PRKN: variants seen among roughly 807,000 people sequenced by gnomAD.
PRKN encodes the protein parkin RBR E3 ubiquitin protein ligase.
Under a neutral mutation model 59.5 loss-of-function variants are expected in PRKN, and 56 were observed. That is an observed-to-expected ratio of 0.94 (90% CI 0.76 to 1.18). PRKN has a LOEUF of 1.18. Ranked by LOEUF, PRKN falls within the 50% of genes most tolerant of loss-of-function variation. The pLI, the probability that PRKN is intolerant of heterozygous loss-of-function variation, is 0.00. For missense variants in PRKN, 657 were observed against 596.4 expected, an observed-to-expected ratio of 1.10 and a Z score of -1.06; for synonymous variants, 250 against 222.1, an observed-to-expected ratio of 1.13 and a Z score of -1.12.
At chr6:162,704,335 C>CAGG (rs1778264554) in intron 1 of PRKN, among the ~76,000 whole-genome samples, 1 of 152,160 alleles carries the variant, frequency 6.6e-6, no homozygotes, top group African/African-American at 2.4e-5. Flanking sequence ...CACTCCTCCC[C>CAGG]AGGTACTAAC....
In PRKN at chr6:162,341,112, G is replaced by C. The variant is rs145492583; in HGVS notation, c.172-78347C>G. Among the ~76,000 whole-genome samples the C allele has an allele frequency of 4.2e-3, 637 of 152,144 alleles. 4 individuals carry two copies. Among genetic ancestry groups the C allele is most frequent in the African/African-American group, 0.014 (598 of 41,524 alleles). On this transcript the variant is annotated intron_variant, in intron 2 of 11. Coordinates refer to ENST00000366898, the MANE Select transcript of PRKN (RefSeq NM_004562.3). The stretch of plus-strand genomic sequence containing the variant: ...AAAAAGTGGGCAAAGGATATGAACA[G>C]ACACTTCTCAAGACATTTATGCGGC...
chr6:161,927,800 A>C (rs1358131572), intron 6 of PRKN, among the ~76,000 whole-genome samples: 1 of 152,154 alleles, frequency 6.6e-6, no homozygotes, highest in Non-Finnish European at 1.5e-5. Context: ...TTACAAAAAT[A>C]AACAGTACCA....
intron 7 of PRKN, among the ~76,000 whole-genome samples, chr6:161,771,634 A>AT (rs955630398): frequency 6.6e-6 from 1 of 152,106 alleles, no homozygotes; most frequent in African/African-American, 2.4e-5. Context: ...AAGAAATATT[A>AT]TTTTTTCCAA....
At chr6:162,505,275 T>A (rs1387956558) in intron 1 of PRKN, among the ~76,000 whole-genome samples, 1 of 151,970 alleles carries the variant, frequency 6.6e-6, no homozygotes, top group African/African-American at 2.4e-5. Flanking sequence ...TTGCAAAAAA[T>A]TTGGCAACAT....
At chr6:161,383,181 A>C (rs1341595637) in intron 10 of PRKN, among the ~76,000 whole-genome samples, 1 of 152,244 alleles carries the variant, frequency 6.6e-6, no homozygotes, top group South Asian at 2.1e-4. Context: ...CCTGGAGACC[A>C]TGCTGCTTGA....
At chr6:161,655,698 T>C (rs1121036) in intron 7 of PRKN, among the ~76,000 whole-genome samples, 9,970 of 152,230 alleles carry the variant, frequency 0.065, 542 homozygotes, top group African/African-American at 0.14. Context: ...CAGAAGTAGC[T>C]AAAAAATGAT....
intron 2 of PRKN, among the ~76,000 whole-genome samples, chr6:162,443,088 CTCTT>C (rs761310898): frequency 2.6e-5 from 4 of 152,208 alleles, no homozygotes; most frequent in African/African-American, 9.6e-5. Flanking sequence ...CTTTCTCTCT[CTCTT>C]TCTCACTCGC....
rs528435338 is a variant in PRKN at position 161,361,826 on chromosome 6, G to A, written c.1168-1621C>T. Among the ~76,000 whole-genome samples, 3 of 152,340 alleles carry A rather than the reference G, an allele frequency of 2.0e-5. No homozygotes were observed. Among genetic ancestry groups the A allele is most frequent in the South Asian group, 2.1e-4 (1 of 4,824 alleles). On this transcript the variant is annotated intron_variant, in intron 10 of 11. Transcript: ENST00000366898. This position sits in a 1 kb window ranked among gnomAD's most constrained non-coding sequence, Gnocchi z 5.2. ...GCTTCCTTTGCTAAGATCCACTCAC[G>A]GCAGAGGCCCAGTGAGGGCGCTGTG...
At chr6:161,762,075 G>A (rs908538038) in intron 7 of PRKN, among the ~76,000 whole-genome samples, 6 of 152,118 alleles carry the variant, frequency 3.9e-5, no homozygotes, top group Non-Finnish European at 2.9e-5. Flanking sequence ...GGTGAGGGCT[G>A]AAAAAACAAC....
intron 6 of PRKN, among the ~76,000 whole-genome samples, chr6:161,872,304 G>C (rs770214154): frequency 6.6e-6 from 1 of 152,074 alleles, no homozygotes; most frequent in Non-Finnish European, 1.5e-5. Context: ...TGAGCCATAA[G>C]CCATTGAGTA....
chr6:161,860,549 G>A (rs1171321614), intron 6 of PRKN, among the ~76,000 whole-genome samples: 4 of 152,016 alleles, frequency 2.6e-5, no homozygotes, highest in African/African-American at 4.8e-5. Flanking sequence ...TCCCTCTTTC[G>A]GTCAGTAACA....
chr6:161,900,151 T>G (rs1034389591), intron 6 of PRKN, among the ~76,000 whole-genome samples: 1 of 144,900 alleles, frequency 6.9e-6, no homozygotes, highest in African/African-American at 2.5e-5. Flanking sequence ...AAAATATAGA[T>G]AATCGGAAAA....
chr6:161,472,631 A>G (rs577371733), intron 9 of PRKN, among the ~76,000 whole-genome samples: 157 of 152,312 alleles, frequency 1.0e-3, no homozygotes, highest in African/African-American at 3.5e-3. Flanking sequence ...TCAGGCAACA[A>G]AAGTGAAAAT....
chr6:162,253,572 A>C, intron 3 of PRKN, among the ~76,000 whole-genome samples: 1 of 152,160 alleles, frequency 6.6e-6, no homozygotes, highest in East Asian at 1.9e-4. Flanking sequence ...ATTTTCATAA[A>C]AGGAAATCCT....
chr6:162,624,946 A>G (rs1782824210), intron 1 of PRKN, among the ~76,000 whole-genome samples: 1 of 152,216 alleles, frequency 6.6e-6, no homozygotes, highest in Admixed American at 6.5e-5. Context: ...TAAGTGAGGA[A>G]AATACAATTA....
intron 6 of PRKN, among the ~76,000 whole-genome samples, chr6:161,938,986 G>C (rs149063548): frequency 6.6e-6 from 1 of 152,218 alleles, no homozygotes; most frequent in Admixed American, 6.5e-5. Context: ...ATTTGCCTGA[G>C]AGTCATGACT....
At chr6:162,536,715 G>T (rs1778736120) in intron 1 of PRKN, among the ~76,000 whole-genome samples, 1 of 151,878 alleles carries the variant, frequency 6.6e-6, no homozygotes. Context: ...AGCTCAGCTT[G>T]GTCCATGACA....
chr6:162,455,498 G>A (rs1790828625), intron 1 of PRKN, among the ~76,000 whole-genome samples: 1 of 152,188 alleles, frequency 6.6e-6, no homozygotes, highest in South Asian at 2.1e-4. Context: ...TAATACAGTA[G>A]TGTTTGTGTC....
chr6:161,985,741 G>C (rs192574397), intron 5 of PRKN, among the ~76,000 whole-genome samples: 20 of 152,274 alleles, frequency 1.3e-4, no homozygotes, highest in Admixed American at 1.0e-3. Flanking sequence ...AGGCCTTGTA[G>C]ACTTTCTAAC....
Sources: gnomAD v4.1 joint callset for allele counts (sites outside exome capture counted in the v4.1 genomes callset) on GRCh38, gnomAD v4.1.1 for gene constraint, Gnocchi (gnomAD v3.1) non-coding constraint, MANE v1.5 for transcripts, NCBI Gene and HGNC (gene_info 2026-07-23, HGNC 2026-07-21) for gene names.